The following FRYL variants were observed in gnomAD, a reference collection of about 807,000 sequenced individuals.
The protein encoded by FRYL is protein furry homolog-like.
Under a neutral mutation model 351.2 loss-of-function variants are expected in FRYL, and 150 were observed. That is an observed-to-expected ratio of 0.43 (90% confidence interval 0.37 to 0.49). The LOEUF is 0.49. Ranked by LOEUF, FRYL falls within the 20% of genes least tolerant of loss-of-function variation. The pLI, the probability that FRYL is intolerant of heterozygous loss-of-function variation, is 0.00. For missense variants in FRYL, 3,036 were observed against 3,619.3 expected (o/e 0.84, Z 4.13); for synonymous variants, 1,153 against 1,257.1 (o/e 0.92, Z 1.75).
chr4:48,616,259 A>C, intron 7 of FRYL, among the ~76,000 whole-genome samples: 1 of 152,152 alleles, frequency 6.6e-6, no homozygotes, highest in South Asian at 2.1e-4. Flanking sequence ...AATGTATCAC[A>C]TATTTTACCA....
chr4:48,543,681 T>G (rs1730717418), intron 44 of FRYL, 126 bp downstream of exon 44: 1 of 753,142 alleles, frequency 1.3e-6, no homozygotes, highest in East Asian at 2.6e-5. Flanking sequence ...ATTCTTTGCC[T>G]GCTCAACATC....
intron 1 of FRYL, among the ~76,000 whole-genome samples, chr4:48,761,608 T>TA (rs1774427516): frequency 6.6e-6 from 1 of 152,348 alleles, no homozygotes; most frequent in African/African-American, 2.4e-5. Context: ...ATAGGTTTTT[T>TA]AATCTTTTAT....
At chr4:48,505,061 C>T (rs1013922370) in intron 60 of FRYL, among the ~76,000 whole-genome samples, 3 of 152,124 alleles carry the variant, frequency 2.0e-5, no homozygotes, top group African/African-American at 7.2e-5. Flanking sequence ...TATGTATGTG[C>T]ACCTTTCTAA....
chr4:48,634,685 ACT>A (rs1753885821), intron 3 of FRYL, among the ~76,000 whole-genome samples, 195 bp from the exon 4 acceptor site: 2 of 152,160 alleles, frequency 1.3e-5, no homozygotes, highest in Admixed American at 1.3e-4. Context: ...TATATTATGT[ACT>A]GTTTCTCTCT....
intron 1 of FRYL, among the ~76,000 whole-genome samples, chr4:48,731,045 C>CAAAA (rs372047149): frequency 7.1e-6 from 1 of 141,840 alleles, no homozygotes; most frequent in Non-Finnish European, 1.5e-5. Flanking sequence ...AAATGGAAAG[C>CAAAA]AAAAAAAAAA....
chr4:48,505,468 A>G, intron 60 of FRYL, 79 bp downstream of exon 60: 1 of 815,170 alleles, frequency 1.2e-6, no homozygotes, highest in South Asian at 1.5e-5. Flanking sequence ...GAAATAATCA[A>G]ATAAGGATAT....
chr4:48,756,759 G>GC (rs752044479), intron 1 of FRYL, among the ~76,000 whole-genome samples: 3 of 152,130 alleles, frequency 2.0e-5, no homozygotes, highest in Non-Finnish European at 2.9e-5. Context: ...ACCAGCCTAG[G>GC]CAACACAGTA....
At chr4:48,527,348 T>G (rs1726486151) in intron 53 of FRYL, 129 bp downstream of exon 53, 1 of 549,202 alleles carries the variant, frequency 1.8e-6, no homozygotes, top group Admixed American at 3.3e-5. Context: ...TAATCAAATT[T>G]AATTCCTAAT....
chr4:48,619,409 A>C (rs753876036), intron 6 of FRYL, 39 bp from the exon 7 acceptor site: 2 of 1,186,820 alleles, frequency 1.7e-6, no homozygotes, highest in Non-Finnish European at 2.4e-6. Flanking sequence ...CATTAAGATT[A>C]TGACTTTAAA....
At chr4:48,765,392 A>G (rs1774845747) in intron 1 of FRYL, among the ~76,000 whole-genome samples, 1 of 152,184 alleles carries the variant, frequency 6.6e-6, no homozygotes, top group South Asian at 2.1e-4. Context: ...CCAAAAATGT[A>G]CAAGGGGGAA....
chr4:48,701,886 C>T (rs895416030), intron 2 of FRYL, among the ~76,000 whole-genome samples: 5 of 152,136 alleles, frequency 3.3e-5, no homozygotes, highest in Admixed American at 2.6e-4. Context: ...ACTCTAATAT[C>T]GTCATACTGT....
chr4:48,503,559 C>T (rs1560498746), intron 60 of FRYL, among the ~76,000 whole-genome samples: 1 of 152,152 alleles, frequency 6.6e-6, no homozygotes, highest in South Asian at 2.1e-4. Context: ...TATATGAAAA[C>T]ATGTACAGCA....
intron 54 of FRYL, among the ~76,000 whole-genome samples, chr4:48,522,565 GA>G (rs1200527113): frequency 6.6e-6 from 1 of 152,172 alleles, no homozygotes; most frequent in East Asian, 1.9e-4. Flanking sequence ...TGCTAACTAG[GA>G]AAGAAAAGTG....
intron 55 of FRYL, among the ~76,000 whole-genome samples, chr4:48,517,164 T>A (rs1723819493): frequency 6.6e-6 from 1 of 152,144 alleles, no homozygotes; most frequent in Admixed American, 6.5e-5. Flanking sequence ...TCTAAAAAAA[T>A]ATTTGGTCAT....
chr4:48,698,494 G>A (rs1560875502), intron 2 of FRYL, among the ~76,000 whole-genome samples: 2 of 152,158 alleles, frequency 1.3e-5, no homozygotes. Flanking sequence ...TCCCAAAAGT[G>A]GTTATCTTGG....
At chr4:48,571,579 G>C (rs574790219) in intron 26 of FRYL, 1 of 840,072 alleles carries the variant, frequency 1.2e-6, no homozygotes, top group Non-Finnish European at 1.4e-6. Flanking sequence ...ATATTACAGA[G>C]CAAATTAAAA....
At chr4:48,743,536 TGTTCCCTA>T (rs1188715576) in intron 1 of FRYL, among the ~76,000 whole-genome samples, 2 of 152,224 alleles carry the variant, frequency 1.3e-5, no homozygotes, top group Non-Finnish European at 2.9e-5. Flanking sequence ...GTAATTCTCC[TGTTCCCTA>T]ATTCAATGCT....
In FRYL at chr4:48,549,420, A is replaced by C; in HGVS notation, c.4784+53T>G. ...GTCAGATAGCACAAAGAAAGCCGAC[A>C]GTGTTCAGCAGCAACTTGGTGCATA... On this transcript the variant is annotated intron_variant, in intron 39 of 63. Transcript: ENST00000358350. This position sits in a 1 kb window ranked among gnomAD's most constrained non-coding sequence, Gnocchi z 4.2. The C allele has an allele frequency of 6.5e-7, 1 of 1,527,244 alleles. No homozygotes were observed. The highest frequency in any genetic ancestry group is 1.3e-5 in the South Asian group (1 of 76,162). The allele number at this position is 1,527,244 out of a possible 1,614,324, so 94.6% of individuals were successfully genotyped here. A position where few individuals can be genotyped will look rare whatever the true frequency, so the allele number is the denominator to read the frequency against.
At chr4:48,579,356 T>C in intron 22 of FRYL, 115 bp from the exon 23 acceptor site, 1 of 822,016 alleles carries the variant, frequency 1.2e-6, no homozygotes, top group Non-Finnish European at 1.9e-6. Context: ...CAAGATAATA[T>C]AAAGTCCATG....
Sources: gnomAD v4.1 joint callset for allele counts (sites outside exome capture counted in the v4.1 genomes callset) on GRCh38, gnomAD v4.1.1 for gene constraint, Gnocchi (gnomAD v3.1) non-coding constraint, MANE v1.5 for transcripts, NCBI Gene and HGNC (gene_info 2026-07-23, HGNC 2026-07-21) for gene names.